Variants in LRP1 observed in about 807,000 individuals in gnomAD.
The protein encoded by LRP1 is LDL receptor related protein 1.
Under a neutral mutation model 541.5 loss-of-function variants are expected in LRP1, and 51 were observed. That is an observed-to-expected ratio of 0.09 (90% CI 0.08 to 0.12). The LOEUF (loss-of-function observed/expected upper bound fraction) is 0.12, where lower values mean the gene tolerates loss of function less well. Among genes scored for constraint, LRP1 ranks in the 10% least tolerant of loss-of-function variants. The pLI is 1.00. For missense variants in LRP1, 3,878 were observed against 6,376.2 expected (o/e 0.61, Z 13.34); for synonymous variants, 2,219 against 2,470.8 (o/e 0.90, Z 3.02).
At chr12:57,160,807 T>A in intron 12 of LRP1, 86 bp from the exon 13 acceptor site, 1 of 991,260 alleles carries the variant, frequency 1.0e-6, no homozygotes, top group Non-Finnish European at 1.6e-6. Flanking sequence ...TGAGGAGCTC[T>A]GGGACAGCAC....
intron 17 of LRP1, 23 bp from the exon 18 acceptor site, chr12:57,166,907 T>C: frequency 7.9e-7 from 1 of 1,271,028 alleles, no homozygotes; most frequent in Non-Finnish European, 1.2e-6. Context: ...CAATGAGTAC[T>C]CACACCCATC....
chr12:57,180,563 C>A, intron 32 of LRP1, 84 bp downstream of exon 32: 1 of 1,607,234 alleles, frequency 6.2e-7, no homozygotes, highest in Non-Finnish European at 8.5e-7. Flanking sequence ...TTGGGGCAGT[C>A]TCTCACCATG....
chr12:57,175,826 C>A (rs2036034719), intron 23 of LRP1, 83 bp from the exon 24 acceptor site: 4 of 1,579,896 alleles, frequency 2.5e-6, no homozygotes, highest in Non-Finnish European at 3.4e-6. Flanking sequence ...GTGCCCGGAC[C>A]AGCAGAGACC....
chr12:57,184,588 G>C lies in LRP1; in HGVS notation c.6186+136G>C. ...GTCTCCCAGCCCAGCCCTCCACCCA[G>C]AGTAGGACTCCTGCTACCACAGAGA... On this transcript the variant is annotated intron_variant, in intron 38 of 88. Coordinates refer to ENST00000243077, the MANE Select transcript of LRP1 (RefSeq NM_002332.3). The surrounding 1 kb of genome is among the most constrained non-coding windows in gnomAD (Gnocchi z 7.8). The C allele has an allele frequency of 7.7e-7, 1 of 1,302,788 alleles. No individual in the cohort carries two copies. Among genetic ancestry groups the C allele is most frequent in the Admixed American group, 2.2e-5 (1 of 44,710 alleles). The allele number at this position is 1,302,788 out of a possible 1,614,324, so 80.7% of individuals were successfully genotyped here. A position where few individuals can be genotyped will look rare whatever the true frequency, so the allele number is the denominator to read the frequency against.
At chr12:57,169,408 C>A in intron 20 of LRP1, 101 bp downstream of exon 20, 1 of 1,163,386 alleles carries the variant, frequency 8.6e-7, no homozygotes, top group Non-Finnish European at 1.2e-6. Flanking sequence ...TGTCGGCCAC[C>A]ATCTGGGAGC....
chr12:57,166,067 AC>A lies in LRP1; in HGVS notation c.2672-16del, dbSNP rs1301922333. 6.2e-7 allele frequency: 1 copy of A among 1,614,002 alleles called. No individual in the cohort carries two copies. Among genetic ancestry groups the A allele is most frequent in the South Asian group, 1.1e-5 (1 of 91,076 alleles). On this transcript the variant is annotated splice_polypyrimidine_tract_variant and intron_variant, in intron 16 of 88. Transcript: ENST00000243077. The stretch of plus-strand genomic sequence containing the variant: ...GCACCCAACTTCTCGCTGACCCCTG[AC>A]TCATTCCCTCCCCAGATCAGCACAC...
intron 44 of LRP1, among the ~76,000 whole-genome samples, chr12:57,191,836 TACCAC>T (rs2036393568): frequency 1.3e-4 from 2 of 15,918 alleles, no homozygotes; most frequent in Non-Finnish European, 2.4e-4. Flanking sequence ...ACCACACACA[TACCAC>T]ACACACACCA....
Position 57,210,830 on chromosome 12 carries a change from G to A in LRP1, c.12867G>A (p.Gln4289=). ...CCTGCACTGTCAACCAGGGCAACCAGCCCCAGTGCCGATGCCTACCCGGCT... is the reference window on the plus strand; with the variant it reads ...CCTGCACTGTCAACCAGGGCAACCAACCCCAGTGCCGATGCCTACCCGGCT... ...NSTCTVNQGN[Q]PQCRCLPGFL... Residue 4289 remains glutamine (Q), a synonymous_variant, in exon 83 of 89, where the codon CAG becomes CAA. Transcript: ENST00000243077. 1 of 1,613,284 alleles carries A rather than the reference G, an allele frequency of 6.2e-7. No homozygotes were observed. Among genetic ancestry groups the A allele is most frequent in the Non-Finnish European group, 8.5e-7 (1 of 1,179,766 alleles).
At position 57,187,437 on chromosome 12, in the gene LRP1, G is replaced by A. The variant is rs748386088; in HGVS notation, c.7012G>A (p.Val2338Ile). ...MSGDDHPRAF[V>I]LDECQNLMFW... ...TGGAGATGACCACCCACGGGCCTTC[G>A]TTTTGGACGAGTGCCAGAAGTGAGC... Residue 2338 changes from valine to isoleucine, a missense_variant, in exon 42 of 89, where the codon GTT (valine) becomes ATT (isoleucine). This residue lies in a region of LRP1 where 1,100 missense variants were observed against 1,827.4 expected (regional missense o/e 0.60). Coordinates refer to ENST00000243077, the MANE Select transcript of LRP1 (RefSeq NM_002332.3). 2.9e-5 allele frequency: 47 copies of A among 1,613,506 alleles called. No individual in the cohort carries two copies. Among genetic ancestry groups the A allele is most frequent in the South Asian group, 4.4e-5 (4 of 91,030 alleles).
rs894892789 is a variant in LRP1, at chr12:57,212,390, A to C, written c.13495-25A>C. On this transcript the variant is annotated intron_variant, in intron 88 of 88. Coordinates refer to ENST00000243077, the MANE Select transcript of LRP1 (RefSeq NM_002332.3). The surrounding 1 kb of genome is among the most constrained non-coding windows in gnomAD (Gnocchi z 5.0). ...GCTACAGGCCCAGCTCCTGAGCCCT[A>C]CCTGAACCCTCTGTCACCCTGCAGC... The C allele has an allele frequency of 1.2e-6, 2 of 1,613,912 alleles. No individual in the cohort carries two copies. Among genetic ancestry groups the C allele is most frequent in the Non-Finnish European group, 1.7e-6 (2 of 1,179,972 alleles).
chr12:57,209,620 C>G, intron 79 of LRP1, 72 bp from the exon 80 acceptor site: 1 of 1,312,238 alleles, frequency 7.6e-7, no homozygotes, highest in South Asian at 1.2e-5. Context: ...ACCACAGGTG[C>G]CAGTGTCGTG....
In LRP1 at chr12:57,212,107, C is replaced by T; in HGVS notation, c.13350-10C>T. On this transcript the variant is annotated splice_polypyrimidine_tract_variant and intron_variant, in intron 87 of 88. Coordinates refer to ENST00000243077, the MANE Select transcript of LRP1 (RefSeq NM_002332.3). The surrounding 1 kb of genome is among the most constrained non-coding windows in gnomAD (Gnocchi z 5.0). ...AATCTCTGTCTCCTTATACTCCTGCCTTTCCCCAGGGCTAAGGGCTTCCAG... is the reference window on the plus strand; with the variant it reads ...AATCTCTGTCTCCTTATACTCCTGCTTTTCCCCAGGGCTAAGGGCTTCCAG... 3.1e-6 allele frequency: 5 copies of T among 1,613,756 alleles called. No homozygotes were observed. Among genetic ancestry groups the T allele is most frequent in the Non-Finnish European group, 4.2e-6 (5 of 1,179,840 alleles).
chr12:57,202,326 C>A, intron 67 of LRP1, 95 bp from the exon 68 acceptor site: 1 of 995,266 alleles, frequency 1.0e-6, no homozygotes, highest in Non-Finnish European at 1.6e-6. Flanking sequence ...CTGGGATGCC[C>A]ACCCTCCCTG....
At chr12:57,187,699 A>G (rs2036297581) in intron 42 of LRP1, among the ~76,000 whole-genome samples, 1 of 152,164 alleles carries the variant, frequency 6.6e-6, no homozygotes, top group Admixed American at 6.5e-5. Flanking sequence ...ACTGTGGGGG[A>G]CGCTCTGCCT....
chr12:57,182,942 T>G (rs934342710), intron 34 of LRP1, among the ~76,000 whole-genome samples: 2 of 152,164 alleles, frequency 1.3e-5, no homozygotes, highest in African/African-American at 4.8e-5. Context: ...GGGTGTGGCA[T>G]AGACCAGACA....
At position 57,210,099 on chromosome 12, in the gene LRP1, C is replaced by G; in HGVS notation, c.12510C>G (p.Thr4170=). The change falls in exon 81 of 89, where the codon ACC becomes ACG. Residue 4170 remains threonine, a synonymous_variant. Transcript: ENST00000243077. ...CLLSPSGPVC[T]CPNGKRLDNG... ...TGAGCCCCAGTGGGCCTGTCTGCACCTGTCCCAATGGGAAGCGGCTGGACA... is the reference window on the plus strand; with the variant it reads ...TGAGCCCCAGTGGGCCTGTCTGCACGTGTCCCAATGGGAAGCGGCTGGACA... 1 of 1,613,746 alleles carries G rather than the reference C, an allele frequency of 6.2e-7. No individual in the cohort carries two copies. Among genetic ancestry groups the G allele is most frequent in the Non-Finnish European group, 8.5e-7 (1 of 1,179,858 alleles).
intron 6 of LRP1, chr12:57,149,580 A>G (rs922084900): frequency 1.4e-6 from 1 of 698,574 alleles, no homozygotes; most frequent in Non-Finnish European, 2.6e-6. Flanking sequence ...GGCTGAGTGG[A>G]ATCCAGGCAT....
intron 68 of LRP1, 180 bp from the exon 69 acceptor site, chr12:57,203,001 T>C: frequency 1.7e-6 from 1 of 593,238 alleles, no homozygotes; most frequent in Non-Finnish European, 3.0e-6. Flanking sequence ...AGCCCGCCTG[T>C]GCCCAGCTGT....
chr12:57,178,177 T>A lies in LRP1; in HGVS notation c.4362-182T>A, dbSNP rs2036088338. On this transcript the variant is annotated intron_variant, in intron 26 of 88. Transcript: ENST00000243077. The surrounding 1 kb of genome is among the most constrained non-coding windows in gnomAD (Gnocchi z 5.8). The stretch of plus-strand genomic sequence containing the variant: ...CCTGAGAGGTGAAACCTGGACCTGT[T>A]GGGTTCTCACACCTTGGTCCTTCTG... 6.6e-6 allele frequency among the ~76,000 whole-genome samples: 1 copy of A among 152,122 alleles called. No individual in the cohort carries two copies. Among genetic ancestry groups the A allele is most frequent in the Non-Finnish European group, 1.5e-5 (1 of 68,012 alleles).
Sources: gnomAD v4.1 joint callset for allele counts (sites outside exome capture counted in the v4.1 genomes callset) on GRCh38, gnomAD v4.1.1 for gene constraint, gnomAD v4.1.1 regional missense constraint, Gnocchi (gnomAD v3.1) non-coding constraint, MANE v1.5 for transcripts, NCBI Gene and HGNC (gene_info 2026-07-23, HGNC 2026-07-21) for gene names.